The following IFNG-AS1 variants were observed in gnomAD, a reference collection of about 807,000 sequenced individuals.
IFNG-AS1 encodes the protein IFNG antisense RNA 1 (non-protein coding).
chr12:68,019,948 G>C (rs1189367537), intron 4 of IFNG-AS1: 3 of 152,180 alleles, frequency 2.0e-5, no homozygotes, highest in Non-Finnish European at 4.4e-5. Context: ...ATTTAGACCT[G>C]GAGGGGCCAG....
At chr12:68,013,693 G>A (rs1245738216) in intron 3 of IFNG-AS1, 2 of 152,200 alleles carry the variant, frequency 1.3e-5, no homozygotes, top group African/African-American at 4.8e-5. Flanking sequence ...AAAGTAGATA[G>A]CCCTCCATTT....
At chr12:68,007,217 A>G (rs1458546766) in intron 3 of IFNG-AS1, among the ~76,000 whole-genome samples, 1 of 152,132 alleles carries the variant, frequency 6.6e-6, no homozygotes, top group Non-Finnish European at 1.5e-5. Flanking sequence ...ACAGGACTCC[A>G]TTCATAGGAT....
chr12:68,000,568 A>G (rs1291193238), intron 2 of IFNG-AS1, among the ~76,000 whole-genome samples: 2 of 152,130 alleles, frequency 1.3e-5, no homozygotes, highest in Non-Finnish European at 2.9e-5. Context: ...AGATTTGAGA[A>G]GGCTGAGATG....
chr12:67,999,234 G>A (rs1879711689), intron 2 of IFNG-AS1, among the ~76,000 whole-genome samples: 1 of 152,162 alleles, frequency 6.6e-6, no homozygotes, highest in African/African-American at 2.4e-5. Flanking sequence ...TTATGTGTAT[G>A]TACACATGTT....
rs573051934 is a variant in IFNG-AS1 at position 67,995,435 on chromosome 12, A to G, written n.52-506A>G. On this transcript the variant is annotated intron_variant and non_coding_transcript_variant, in intron 1 of 5. Transcript: ENST00000536914. ...ACTCCATTTCAAAAAAAAAAAAAAA[A>G]AAAAGGGCCGCGCACTGTGGCTCAC... 4.3e-3 allele frequency among the ~76,000 whole-genome samples: 647 copies of G among 149,094 alleles called. 4 individuals are homozygous for G. Among genetic ancestry groups the G allele is most frequent in the Non-Finnish European group, 7.7e-3 (517 of 67,212 alleles).
chr12:67,994,798 C>A (rs1448216188), intron 1 of IFNG-AS1, among the ~76,000 whole-genome samples: 3 of 152,278 alleles, frequency 2.0e-5, no homozygotes, highest in Admixed American at 2.0e-4. Flanking sequence ...AAGTGATCCA[C>A]CGCAGATTTA....
intron 1 of IFNG-AS1, chr12:67,989,660 C>T (rs1879457162): frequency 6.6e-6 from 1 of 151,950 alleles, no homozygotes; most frequent in South Asian, 2.1e-4. Flanking sequence ...GTTTTTAGCT[C>T]CTGTGGGTGG....
At chr12:68,021,106 C>G (rs1333595400) in intron 4 of IFNG-AS1, 1 of 152,120 alleles carries the variant, frequency 6.6e-6, no homozygotes, top group African/African-American at 2.4e-5. Flanking sequence ...CCTCAGCAAT[C>G]ATGTGAGTTA....
intron 1 of IFNG-AS1, among the ~76,000 whole-genome samples, chr12:67,990,440 G>A (rs1879480500): frequency 2.0e-5 from 3 of 152,098 alleles, no homozygotes; most frequent in Admixed American, 2.0e-4. Context: ...GCTCACCTTT[G>A]GCAGTGAATT....
intron 3 of IFNG-AS1, among the ~76,000 whole-genome samples, chr12:68,015,768 G>A (rs1233004725): frequency 2.0e-5 from 3 of 152,152 alleles, no homozygotes; most frequent in Non-Finnish European, 4.4e-5. Flanking sequence ...GCAATAGAAA[G>A]ATCAGCCAAG....
intron 3 of IFNG-AS1, among the ~76,000 whole-genome samples, chr12:68,010,884 A>G (rs1410072278): frequency 6.6e-6 from 1 of 152,186 alleles, no homozygotes; most frequent in East Asian, 1.9e-4. Flanking sequence ...ATGCAAAAGG[A>G]GGATGGTGAC....
intron 3 of IFNG-AS1, among the ~76,000 whole-genome samples, chr12:68,014,253 G>A (rs749964533): frequency 1.3e-5 from 2 of 152,212 alleles, no homozygotes; most frequent in Admixed American, 1.3e-4. Flanking sequence ...ATAAACGTGT[G>A]TGCAAGTATG....
chr12:67,995,518 C>T (rs762289643), intron 1 of IFNG-AS1, among the ~76,000 whole-genome samples: 1 of 150,392 alleles, frequency 6.6e-6, no homozygotes, highest in Non-Finnish European at 1.5e-5. Context: ...GTCAGGAGAT[C>T]GAGACCATCC....
At chr12:68,020,205 C>T (rs1266846649) in intron 4 of IFNG-AS1, 1 of 152,086 alleles carries the variant, frequency 6.6e-6, no homozygotes, top group Non-Finnish European at 1.5e-5. Flanking sequence ...TGAATCATGA[C>T]ATATGAAGCA....
At chr12:68,006,132 A>G (rs1324228480) in exon 3 of IFNG-AS1, 1 of 152,242 alleles carries the variant, frequency 6.6e-6, no homozygotes, top group Non-Finnish European at 1.5e-5. Context: ...CAGCTAAGAC[A>G]ACATGGTACA....
chr12:67,990,435 C>A (rs988103090), intron 1 of IFNG-AS1, among the ~76,000 whole-genome samples: 2 of 152,144 alleles, frequency 1.3e-5, no homozygotes, highest in Admixed American at 1.3e-4. Context: ...TCTGAGCTCA[C>A]CTTTGGCAGT....
chr12:67,994,632 G>A (rs185046717), intron 1 of IFNG-AS1, among the ~76,000 whole-genome samples: 34 of 152,238 alleles, frequency 2.2e-4, no homozygotes, highest in Admixed American at 8.5e-4. Context: ...CATGTCTGCC[G>A]CTATTCTAAA....
At chr12:67,991,010 A>G (rs77930088) in intron 1 of IFNG-AS1, among the ~76,000 whole-genome samples, 7,085 of 152,280 alleles carry the variant, frequency 0.047, 215 homozygotes, top group Non-Finnish European at 0.061. Context: ...AAGATCCAAT[A>G]TGAACATGCT....
chr12:67,991,951 G>C lies in IFNG-AS1; in HGVS notation n.51+2372G>C, dbSNP rs565527113. ...GCTTTGTTACATGTTATTGCTCTTA[G>C]TTATTTTCTCATAGTTATTTCAGAT... On this transcript the variant is annotated intron_variant and non_coding_transcript_variant, in intron 1 of 5. Transcript: ENST00000536914. Among the ~76,000 whole-genome samples, 3 of 152,266 alleles carry C rather than the reference G, an allele frequency of 2.0e-5. No individual in the cohort carries two copies. The East Asian group carries it at 5.8e-4, about 29-fold the overall frequency.
Sources: allele counts gnomAD v4.1 joint callset (sites outside exome capture counted in the v4.1 genomes callset), GRCh38; gene constraint gnomAD v4.1.1; transcripts MANE v1.5; gene names NCBI Gene and HGNC (gene_info 2026-07-23, HGNC 2026-07-21).